SCAPER: variants seen among roughly 807,000 people sequenced by gnomAD.
SCAPER encodes the protein S phase cyclin A-associated protein in the endoplasmic reticulum.
A neutral mutation model predicts 182.2 loss-of-function variants in SCAPER; 98 were observed. The observed-to-expected ratio is 0.54, with a 90% confidence interval of 0.46 to 0.64. The LOEUF (loss-of-function observed/expected upper bound fraction) is 0.64. Ranked by LOEUF, SCAPER falls within the 30% of genes least tolerant of loss-of-function variation. The pLI, the probability that SCAPER is intolerant of heterozygous loss-of-function variation, is 0.00. For missense variants in SCAPER, 1,432 were observed against 1,690.0 expected (o/e 0.85, Z 2.68); for synonymous variants, 605 against 564.6 (o/e 1.07, Z -1.01).
intron 25 of SCAPER, among the ~76,000 whole-genome samples, chr15:76,439,867 C>T (rs1415814279): frequency 1.3e-5 from 2 of 152,228 alleles, no homozygotes; most frequent in Non-Finnish European, 2.9e-5. Context: ...CTGAATCTCT[C>T]ACCCCTCAGG....
intron 22 of SCAPER, among the ~76,000 whole-genome samples, chr15:76,608,288 A>C (rs964591369): frequency 6.6e-6 from 1 of 152,190 alleles, no homozygotes; most frequent in Admixed American, 6.5e-5. Context: ...TCCACTCCAG[A>C]CACTGTTTGC....
intron 5 of SCAPER, among the ~76,000 whole-genome samples, chr15:76,830,423 A>T (rs900810730): frequency 6.6e-6 from 1 of 152,202 alleles, no homozygotes; most frequent in Non-Finnish European, 1.5e-5. Context: ...GGATGCAGGG[A>T]GTCCTGTTAG....
chr15:76,733,506 T>C, intron 15 of SCAPER, 122 bp from the exon 16 acceptor site: 1 of 1,200,820 alleles, frequency 8.3e-7, no homozygotes, highest in Non-Finnish European at 1.1e-6. Context: ...CCTAGCACTT[T>C]GGGAGGCTGA....
chr15:76,520,051 C>T (rs1337244096), intron 23 of SCAPER, among the ~76,000 whole-genome samples: 2 of 152,162 alleles, frequency 1.3e-5, no homozygotes, highest in African/African-American at 4.8e-5. Context: ...TAACTACTCA[C>T]TCATGTTACT....
chr15:76,665,967 T>C lies in SCAPER; in HGVS notation c.2509-178A>G, dbSNP rs77046367. Among the ~76,000 whole-genome samples the C allele has an allele frequency of 1.3e-3, 193 of 152,264 alleles. 5 individuals carry two copies. In the East Asian group the frequency reaches 0.033, roughly 26 times the overall value. On this transcript the variant is annotated intron_variant, in intron 20 of 31. Transcript: ENST00000563290. ...GAAGAAACTGTTTTACTTAAGGATTTTACATCACTGACTTCACTTCATTGC... is the reference window on the plus strand; with the variant it reads ...GAAGAAACTGTTTTACTTAAGGATTCTACATCACTGACTTCACTTCATTGC...
At chr15:76,616,662 G>C (rs2051518480) in intron 22 of SCAPER, among the ~76,000 whole-genome samples, 1 of 152,080 alleles carries the variant, frequency 6.6e-6, no homozygotes, top group South Asian at 2.1e-4. Context: ...ATGAAAAAAA[G>C]TACAGTCGTA....
chr15:76,566,757 G>C (rs1428245036), intron 23 of SCAPER, among the ~76,000 whole-genome samples: 2 of 151,844 alleles, frequency 1.3e-5, no homozygotes, highest in African/African-American at 4.8e-5. Flanking sequence ...CTTCAATTTT[G>C]AAATAACATT....
chr15:76,898,256 T>C (rs2074543367), intron 1 of SCAPER, among the ~76,000 whole-genome samples: 1 of 151,688 alleles, frequency 6.6e-6, no homozygotes. Flanking sequence ...AAAACAACTG[T>C]TGGAGAAGAT....
intron 6 of SCAPER, among the ~76,000 whole-genome samples, chr15:76,801,384 T>A (rs2065777944): frequency 6.6e-6 from 1 of 152,230 alleles, no homozygotes. Context: ...TCTGCCTGTG[T>A]CTTACAAAGT....
At chr15:76,468,470 C>T (rs571186888) in intron 25 of SCAPER, among the ~76,000 whole-genome samples, 24 of 152,066 alleles carry the variant, frequency 1.6e-4, no homozygotes, top group South Asian at 4.1e-4. Flanking sequence ...TAGGTTACAA[C>T]GAAGGTTATT....
At chr15:76,558,505 A>G (rs1443067912) in intron 23 of SCAPER, among the ~76,000 whole-genome samples, 1 of 152,200 alleles carries the variant, frequency 6.6e-6, no homozygotes, top group East Asian at 1.9e-4. Flanking sequence ...AATGGCTATC[A>G]TTAAAAAGTC....
chr15:76,637,742 A>ATGTG (rs55726181), intron 21 of SCAPER, among the ~76,000 whole-genome samples: 20 of 105,810 alleles, frequency 1.9e-4, no homozygotes, highest in South Asian at 7.3e-4. Context: ...ATATATATAT[A>ATGTG]TGTGTGTGTG....
chr15:76,563,092 C>A (rs1431340154), intron 23 of SCAPER, among the ~76,000 whole-genome samples: 1 of 152,132 alleles, frequency 6.6e-6, no homozygotes, highest in Admixed American at 6.5e-5. Context: ...TCTTAAAAGT[C>A]AAATTAATAG....
chr15:76,663,216 A>G lies in SCAPER; in HGVS notation c.2645+2437T>C, dbSNP rs933019706. Among the ~76,000 whole-genome samples, 6 of 152,298 alleles carry G rather than the reference A, an allele frequency of 3.9e-5. No homozygotes were observed. In the East Asian group the frequency reaches 1.2e-3, roughly 29 times the overall value. On this transcript the variant is annotated intron_variant, in intron 21 of 31. Transcript: ENST00000563290. ...TGTGTTAGTCACTGGGGAAATGCAAATTAGAACAACGAGATACCACTACAT... is the reference window on the plus strand; with the variant it reads ...TGTGTTAGTCACTGGGGAAATGCAAGTTAGAACAACGAGATACCACTACAT...
chr15:76,539,782 T>TG (rs1487409984), intron 23 of SCAPER, among the ~76,000 whole-genome samples: 2 of 152,142 alleles, frequency 1.3e-5, no homozygotes, highest in Non-Finnish European at 2.9e-5. Context: ...CCTGACCTCG[T>TG]GATCTGCCCG....
intron 21 of SCAPER, among the ~76,000 whole-genome samples, chr15:76,657,195 A>G (rs1206618715): frequency 2.0e-5 from 3 of 152,158 alleles, no homozygotes; most frequent in African/African-American, 7.2e-5. Context: ...AATAAGCACA[A>G]TCAGAAATGC....
chr15:76,771,630 TA>T, intron 10 of SCAPER, 111 bp downstream of exon 10: 1 of 729,054 alleles, frequency 1.4e-6, no homozygotes, highest in East Asian at 2.9e-5. Context: ...AATAAATATA[TA>T]AAAATGCTTT....
rs2075008445 is a variant in SCAPER, at chr15:76,905,307, G to C, written c.-68C>G. On this transcript the variant is annotated 5_prime_UTR_variant, in exon 1 of 32. Transcript: ENST00000563290. ...CCCTCGCGGACACTCACCCCCGACC[G>C]CCCTGCTTAGTTCGGGGCGGCTCAA... The C allele has an allele frequency of 3.7e-6, 1 of 269,852 alleles. No individual in the cohort carries two copies. Among genetic ancestry groups the C allele is most frequent in the South Asian group, 2.9e-5 (1 of 34,890 alleles). The allele number at this position is 269,852 out of a possible 1,614,324, so 16.7% of individuals were successfully genotyped here. A position where few individuals can be genotyped will look rare whatever the true frequency, so the allele number is the denominator to read the frequency against.
intron 24 of SCAPER, among the ~76,000 whole-genome samples, chr15:76,502,772 C>G (rs1396017828): frequency 6.6e-6 from 1 of 152,110 alleles, no homozygotes; most frequent in Non-Finnish European, 1.5e-5. Flanking sequence ...GATGAAGGAA[C>G]AAGCTCTTAA....
Sources: allele counts gnomAD v4.1 joint callset (sites outside exome capture counted in the v4.1 genomes callset), GRCh38; gene constraint gnomAD v4.1.1; transcripts MANE v1.5; gene names NCBI Gene and HGNC (gene_info 2026-07-23, HGNC 2026-07-21).